Variants in KCNK13 observed in about 807,000 individuals in gnomAD.
KCNK13 encodes potassium two pore domain channel subfamily K member 13.
In KCNK13, 12 loss-of-function variants were observed where a neutral mutation model predicts 23.4. The ratio of observed to expected loss-of-function variants is 0.51; its 90% CI spans 0.33 to 0.83. The LOEUF (loss-of-function observed/expected upper bound fraction) is 0.83. Ranked by LOEUF, KCNK13 falls within the 40% of genes least tolerant of loss-of-function variation. The probability of loss-of-function intolerance (pLI) is 0.02; values close to 1 mark genes in which losing one functional copy is unlikely to be tolerated. For missense variants in KCNK13, 463 were observed against 556.3 expected (o/e 0.83, Z 1.69); for synonymous variants, 231 against 229.5 (o/e 1.01, Z -0.06).
chr14:90,126,318 G>C (rs1889798991), intron 1 of KCNK13, among the ~76,000 whole-genome samples: 1 of 152,094 alleles, frequency 6.6e-6, no homozygotes, highest in Admixed American at 6.6e-5. Flanking sequence ...AAACAGCACG[G>C]GCCGAGGAAT....
chr14:90,109,816 C>T (rs1437482207), intron 1 of KCNK13, among the ~76,000 whole-genome samples: 2 of 151,954 alleles, frequency 1.3e-5, no homozygotes, highest in Non-Finnish European at 2.9e-5. Context: ...TCAGGTGATC[C>T]TCCCACTTCA....
intron 1 of KCNK13, among the ~76,000 whole-genome samples, chr14:90,132,556 A>AAG (rs1555403488): frequency 6.6e-6 from 1 of 151,830 alleles, no homozygotes; most frequent in African/African-American, 2.4e-5. Context: ...AAAAAAAAAA[A>AAG]AAAGAAAGAA....
intron 1 of KCNK13, among the ~76,000 whole-genome samples, chr14:90,138,409 C>A (rs551585957): frequency 2.0e-5 from 3 of 152,248 alleles, no homozygotes; most frequent in East Asian, 1.9e-4. Context: ...TTTTCTTTCT[C>A]CCAATGTGCT....
In KCNK13 at chr14:90,107,718, T is replaced by A; in HGVS notation, c.334+45179T>A. The A allele has an allele frequency of 3.9e-6, 3 of 774,640 alleles. No individual in the cohort carries two copies. The South Asian group carries it at 4.0e-5, about 10-fold the overall frequency. 48.0% of individuals were successfully genotyped at this position (774,640 alleles called of 1,614,324 possible). On this transcript the variant is annotated intron_variant, in intron 1 of 1. Coordinates refer to ENST00000282146, the MANE Select transcript of KCNK13 (RefSeq NM_022054.4). ...AACTACAAAATCCAGCCTGGGAAGG[T>A]GGTTGTGTTCATCAAGCCCACCTTC...
chr14:90,116,636 A>C (rs7159387), intron 1 of KCNK13, among the ~76,000 whole-genome samples: 39,125 of 152,050 alleles, frequency 0.26, 5,373 homozygotes, highest in Non-Finnish European at 0.31. Context: ...TCATTACAAC[A>C]TAGCAGGCAG....
intron 1 of KCNK13, among the ~76,000 whole-genome samples, chr14:90,073,858 A>T (rs1163118010): frequency 2.0e-5 from 3 of 152,150 alleles, no homozygotes; most frequent in African/African-American, 4.8e-5. Flanking sequence ...ATTACAAAAT[A>T]GAGATGGGAT....
chr14:90,148,866 G>A (rs866299048), intron 1 of KCNK13, among the ~76,000 whole-genome samples: 3 of 152,202 alleles, frequency 2.0e-5, no homozygotes, highest in African/African-American at 7.2e-5. Context: ...CTATCCAGCA[G>A]CTCCCAGTCA....
chr14:90,128,754 A>G (rs1889832873), intron 1 of KCNK13, among the ~76,000 whole-genome samples: 1 of 152,182 alleles, frequency 6.6e-6, no homozygotes, highest in Admixed American at 6.5e-5. Context: ...CTCCGAATTG[A>G]GCAAGAGATA....
chr14:90,134,642 A>C (rs1889914072), intron 1 of KCNK13, among the ~76,000 whole-genome samples: 1 of 152,226 alleles, frequency 6.6e-6, no homozygotes, highest in African/African-American at 2.4e-5. Flanking sequence ...ACATTAGTAT[A>C]GGATAATCGT....
intron 1 of KCNK13, among the ~76,000 whole-genome samples, chr14:90,110,434 C>G (rs982232827): frequency 6.6e-6 from 1 of 150,940 alleles, no homozygotes; most frequent in Admixed American, 6.6e-5. Flanking sequence ...GAGTCGACAT[C>G]ATGCCACAGC....
intron 1 of KCNK13, among the ~76,000 whole-genome samples, chr14:90,066,968 C>CA (rs34426036): frequency 1.4e-4 from 21 of 150,910 alleles, no homozygotes; most frequent in African/African-American, 3.9e-4. Flanking sequence ...ATGATTCAGC[C>CA]AAAAAAAAAG....
intron 1 of KCNK13, among the ~76,000 whole-genome samples, chr14:90,156,284 G>A (rs77254489): frequency 8.9e-4 from 135 of 151,514 alleles, no homozygotes; most frequent in African/African-American, 2.9e-3. Context: ...TCAAGGGAAC[G>A]AACAGAGAGA....
chr14:90,147,170 T>A, intron 1 of KCNK13, among the ~76,000 whole-genome samples: 1 of 152,208 alleles, frequency 6.6e-6, no homozygotes, highest in Non-Finnish European at 1.5e-5. Context: ...TTTAGTTGTT[T>A]AAGAAAGGAG....
intron 1 of KCNK13, among the ~76,000 whole-genome samples, chr14:90,068,199 T>C (rs1480595897): frequency 6.6e-6 from 1 of 152,076 alleles, no homozygotes; most frequent in Non-Finnish European, 1.5e-5. Context: ...CTTGGCCAAA[T>C]CAAGTCACAG....
intron 1 of KCNK13, among the ~76,000 whole-genome samples, chr14:90,120,564 C>G (rs181387209): frequency 1.3e-5 from 2 of 152,304 alleles, no homozygotes; most frequent in Non-Finnish European, 1.5e-5. Flanking sequence ...ATGTCAGACG[C>G]TTATAAAACC....
At chr14:90,116,625 C>T (rs1252674613) in intron 1 of KCNK13, among the ~76,000 whole-genome samples, 2 of 152,154 alleles carry the variant, frequency 1.3e-5, no homozygotes, top group Admixed American at 1.3e-4. Flanking sequence ...ATTTAGACCG[C>T]TCATTACAAC....
chr14:90,098,119 T>C (rs870657), intron 1 of KCNK13, among the ~76,000 whole-genome samples: 41,608 of 152,076 alleles, frequency 0.27, 6,595 homozygotes, highest in African/African-American at 0.42. Context: ...GTGCCACACA[T>C]TCACCTGTGG....
chr14:90,064,451 G>A (rs1364344522), intron 1 of KCNK13, among the ~76,000 whole-genome samples: 1 of 151,978 alleles, frequency 6.6e-6, no homozygotes, highest in Non-Finnish European at 1.5e-5. Flanking sequence ...TGGGCTTTGG[G>A]GATACGAATA....
Position 90,062,763 on chromosome 14 carries a change from A to T in KCNK13, c.334+224A>T, listed in dbSNP as rs75472793. Among the ~76,000 whole-genome samples, 4 of 152,170 alleles carry T rather than the reference A, an allele frequency of 2.6e-5. No homozygotes were observed. Among genetic ancestry groups the T allele is most frequent in the African/African-American group, 9.7e-5 (4 of 41,426 alleles). ...TCACCTGGCAGCTTGTTAGAAATGCAGTCTCAGTCCCCTCTGCAGACCTGC... is the reference window on the plus strand; with the variant it reads ...TCACCTGGCAGCTTGTTAGAAATGCTGTCTCAGTCCCCTCTGCAGACCTGC... On this transcript the variant is annotated intron_variant, in intron 1 of 1. Transcript: ENST00000282146. The surrounding 1 kb of genome is among the most constrained non-coding windows in gnomAD (Gnocchi z 4.5).
Sources: allele counts gnomAD v4.1 joint callset (sites outside exome capture counted in the v4.1 genomes callset), GRCh38; gene constraint gnomAD v4.1.1; non-coding constraint Gnocchi (gnomAD v3.1); transcripts MANE v1.5; gene names NCBI Gene and HGNC (gene_info 2026-07-23, HGNC 2026-07-21).